The following ABCC8 variants were observed in gnomAD, a reference collection of about 807,000 sequenced individuals.
ABCC8 encodes ATP binding cassette subfamily C member 8.
ABCC8 carries 137 observed loss-of-function variants against 188.0 expected under a neutral mutation model. The ratio of observed to expected loss-of-function variants is 0.73; its 90% CI spans 0.63 to 0.84. The LOEUF (loss-of-function observed/expected upper bound fraction) is 0.84, where lower values mean the gene tolerates loss of function less well. Among genes scored for constraint, ABCC8 ranks in the 40% least tolerant of loss-of-function variants. ABCC8 has a pLI of 0.00. For synonymous variants in ABCC8, 797 were observed against 846.5 expected (o/e 0.94, Z 1.01); for missense variants, 1,750 against 2,072.7 (o/e 0.84, Z 3.02).
At chr11:17,399,457 C>G (rs1954125227) in intron 29 of ABCC8, among the ~76,000 whole-genome samples, 1 of 152,104 alleles carries the variant, frequency 6.6e-6, no homozygotes, top group Non-Finnish European at 1.5e-5. Flanking sequence ...CTTCCCTACC[C>G]CAGGGCCTTT....
chr11:17,427,903 G>A lies in ABCC8; in HGVS notation c.2080C>T (p.Pro694Ser), dbSNP rs1208778540. Reference sequence around the variant, plus strand: ...CGAATGGTGATGTTGGACAGTGTGGGGATTCCATCTGGGGTCCACGTGAAG... The same window carrying A: ...CGAATGGTGATGTTGGACAGTGTGGAGATTCCATCTGGGGTCCACGTGAAG... ...GYFTWTPDGI[P>S]TLSNITIRIP... Residue 694 changes from proline to serine, a missense_variant, in exon 15 of 39, where the codon CCC becomes TCC. Physicochemically the swap from Pro to Ser is moderately conservative, Grantham distance 74 (BLOSUM62 -1). Coordinates refer to ENST00000389817, the MANE Select transcript of ABCC8 (RefSeq NM_000352.6). This position sits in a 1 kb window ranked among gnomAD's most constrained non-coding sequence, Gnocchi z 5.0. The A allele has an allele frequency of 1.9e-6, 3 of 1,614,050 alleles. No homozygotes were observed. The highest frequency in any genetic ancestry group is 2.2e-5 in the East Asian group (1 of 44,878).
Position 17,399,886 on chromosome 11 carries a change from G to A in ABCC8, c.3651-1445C>T, listed in dbSNP as rs575465843. Among the ~76,000 whole-genome samples, 35 of 152,276 alleles carry A rather than the reference G, an allele frequency of 2.3e-4. No individual in the cohort carries two copies. In the East Asian group the frequency reaches 6.2e-3, roughly 27 times the overall value. ...CATCATGTTTTCCCTGAGTTACTGC[G>A]CATGGACCTGCCTCCTTTCTCTGAT... On this transcript the variant is annotated intron_variant, in intron 29 of 38. Transcript: ENST00000389817.
chr11:17,435,093 T>C (rs1956025473), intron 10 of ABCC8, among the ~76,000 whole-genome samples: 1 of 152,070 alleles, frequency 6.6e-6, no homozygotes, highest in Non-Finnish European at 1.5e-5. Flanking sequence ...TCAAAAGCTA[T>C]ACATTTTCTC....
chr11:17,437,535 G>A (rs1956154134), intron 10 of ABCC8, among the ~76,000 whole-genome samples: 2 of 152,242 alleles, frequency 1.3e-5, no homozygotes, highest in Admixed American at 1.3e-4. Flanking sequence ...TCTGCAGGAG[G>A]GGAAGTGCAT....
chr11:17,461,611 C>A lies in ABCC8; in HGVS notation c.794G>T (p.Arg265Leu). 1 of 1,614,244 alleles carries A rather than the reference C, an allele frequency of 6.2e-7. No individual in the cohort carries two copies. The highest frequency in any genetic ancestry group is 1.1e-5 in the South Asian group (1 of 91,088). The change falls in exon 5 of 39, where the codon CGG (arginine) becomes CTG (leucine). Residue 265 changes from arginine to leucine, a missense_variant. By Grantham distance (102) the Arg-to-Leu change is moderately radical. Coordinates refer to ENST00000389817, the MANE Select transcript of ABCC8 (RefSeq NM_000352.6). ...IAMRALTNYQ[R>L]LCEAFDAQVR... is the part of the protein sequence containing the mutation. The stretch of plus-strand genomic sequence containing the variant: ...CTGGGCGTCAAAGGCCTCGCAGAGC[C>A]GTTGGTAGTTGGTGAGGGCCCTCAT...
chr11:17,441,026 C>T (rs1956295678), intron 10 of ABCC8, among the ~76,000 whole-genome samples: 2 of 152,198 alleles, frequency 1.3e-5, no homozygotes, highest in South Asian at 2.1e-4. Flanking sequence ...ACACTACCAG[C>T]ACCCCCTCCA....
intron 16 of ABCC8, among the ~76,000 whole-genome samples, chr11:17,421,331 T>C (rs1213788470): frequency 1.3e-5 from 2 of 152,062 alleles, no homozygotes. Context: ...CAAATATTGA[T>C]GGAGAAGAGG....
At position 17,402,687 on chromosome 11, in the gene ABCC8, T is replaced by A; in HGVS notation, c.3624A>T (p.Glu1208Asp). ...TGAAGGCCCGGATGGTGGTGAGTCC[T>A]TCTACGGTTTCGGCAAAGTGTGAGA... ...PLLSHFAETV[E>D]GLTTIRAFRY... is the part of the protein sequence containing the mutation. Residue 1208 changes from glutamate (E) to aspartate (D), a missense_variant, in exon 29 of 39, where the codon GAA (glutamate) becomes GAT (aspartate). Glu to Asp is a conservative substitution (Grantham distance 45). Transcript: ENST00000389817. The A allele has an allele frequency of 6.2e-7, 1 of 1,614,236 alleles. No homozygotes were observed. Among genetic ancestry groups the A allele is most frequent in the Non-Finnish European group, 8.5e-7 (1 of 1,180,036 alleles).
rs778892038 is a variant in ABCC8 at position 17,461,618 on chromosome 11, A to C, written c.787T>G (p.Tyr263Asp). Residue 263 changes from tyrosine to aspartate, a missense_variant, in exon 5 of 39, where the codon TAC (tyrosine) becomes GAC (aspartate). Physicochemically the swap from Tyr to Asp is radical, Grantham distance 160. Transcript: ENST00000389817. ...TCAAAGGCCTCGCAGAGCCGTTGGTAGTTGGTGAGGGCCCTCATGGCGATG... is the reference window on the plus strand; with the variant it reads ...TCAAAGGCCTCGCAGAGCCGTTGGTCGTTGGTGAGGGCCCTCATGGCGATG... ...LPIAMRALTNYQRLCEAFDAQ... is the reference protein window; with the variant it reads ...LPIAMRALTNDQRLCEAFDAQ... 4.4e-5 allele frequency: 71 copies of C among 1,614,072 alleles called. No homozygotes were observed. Among genetic ancestry groups the C allele is most frequent in the Non-Finnish European group, 5.5e-5 (65 of 1,180,022 alleles).
At chr11:17,454,052 C>T (rs1956907170) in intron 6 of ABCC8, among the ~76,000 whole-genome samples, 1 of 152,162 alleles carries the variant, frequency 6.6e-6, no homozygotes, top group African/African-American at 2.4e-5. Flanking sequence ...CCAGCAGAGC[C>T]ACATCAATAT....
chr11:17,452,206 C>A (rs1956842668), intron 7 of ABCC8, among the ~76,000 whole-genome samples: 1 of 152,240 alleles, frequency 6.6e-6, no homozygotes, highest in South Asian at 2.1e-4. Context: ...GGGCCCTGAA[C>A]ACTCCCTGGC....
intron 10 of ABCC8, among the ~76,000 whole-genome samples, chr11:17,434,644 A>G (rs1372508831): frequency 1.3e-5 from 2 of 152,216 alleles, no homozygotes; most frequent in South Asian, 4.1e-4. Context: ...TTGACACTTC[A>G]TTCTACTGCA....
intron 14 of ABCC8, 147 bp from the exon 15 acceptor site, chr11:17,428,089 T>A (rs2133536360): frequency 1.3e-6 from 2 of 1,583,820 alleles, no homozygotes; most frequent in Non-Finnish European, 8.6e-7. Context: ...AGTGGGAGAC[T>A]GGCCTTCTCA....
intron 16 of ABCC8, among the ~76,000 whole-genome samples, chr11:17,421,237 A>G (rs892822020): frequency 6.6e-6 from 1 of 152,220 alleles, no homozygotes; most frequent in Non-Finnish European, 1.5e-5. Flanking sequence ...TCCCTCAAGG[A>G]GCTCAGAGTC....
Position 17,428,408 on chromosome 11 carries a change from G to T in ABCC8, c.1924-3C>A. On this transcript the variant is annotated splice_polypyrimidine_tract_variant and splice_region_variant and intron_variant, in intron 13 of 38. Transcript: ENST00000389817. ...TTGCGGTTCACAACCCTGAGGGGCT[G>T]GGGGTGGTTTGGAGGTGAGGACCCA... The T allele has an allele frequency of 2.5e-6, 4 of 1,612,300 alleles. No homozygotes were observed. Among genetic ancestry groups the T allele is most frequent in the Non-Finnish European group, 2.5e-6 (3 of 1,178,694 alleles).
intron 2 of ABCC8, among the ~76,000 whole-genome samples, chr11:17,472,589 T>C (rs1848539990): frequency 6.6e-6 from 1 of 152,222 alleles, no homozygotes; most frequent in Non-Finnish European, 1.5e-5. Flanking sequence ...TTCTCCTGTC[T>C]GCTCTTTTCC....
intron 7 of ABCC8, among the ~76,000 whole-genome samples, chr11:17,450,541 C>T (rs897219333): frequency 4.0e-5 from 6 of 150,052 alleles, no homozygotes; most frequent in Admixed American, 4.0e-4. Context: ...ACTACAGGCA[C>T]CCGCCACCAT....
intron 9 of ABCC8, 37 bp downstream of exon 9, chr11:17,443,141 G>C: frequency 1.2e-6 from 2 of 1,610,264 alleles, no homozygotes; most frequent in South Asian, 2.2e-5. Context: ...GGAAGGAGGG[G>C]AAGAGGGACA....
chr11:17,393,561 C>A (rs969347714), intron 38 of ABCC8, 136 bp downstream of exon 38: 5 of 1,413,974 alleles, frequency 3.5e-6, no homozygotes, highest in Non-Finnish European at 5.0e-6. Flanking sequence ...AGGCCCCTTG[C>A]CCTGAACTGC....
Sources: allele counts gnomAD v4.1 joint callset (sites outside exome capture counted in the v4.1 genomes callset), GRCh38; gene constraint gnomAD v4.1.1; non-coding constraint Gnocchi (gnomAD v3.1); transcripts MANE v1.5; gene names NCBI Gene and HGNC (gene_info 2026-07-23, HGNC 2026-07-21).